EYS: variants seen among roughly 807,000 people sequenced by gnomAD.
EYS encodes protein eyes shut homolog.
In EYS, 250 loss-of-function variants were observed where a neutral mutation model predicts 282.1. The observed-to-expected ratio is 0.89, with a 90% CI of 0.80 to 0.98. The LOEUF is 0.98. Among genes scored for constraint, EYS ranks in the 50% least tolerant of loss-of-function variants. The pLI, the probability that EYS is intolerant of heterozygous loss-of-function variation, is 0.00. For missense variants in EYS, 4,016 were observed against 3,709.0 expected (o/e 1.08, Z -2.15); for synonymous variants, 1,355 against 1,282.9 (o/e 1.06, Z -1.20).
intron 31 of EYS, among the ~76,000 whole-genome samples, chr6:64,094,741 G>A (rs1465003051): frequency 6.6e-6 from 1 of 151,998 alleles, no homozygotes; most frequent in Non-Finnish European, 1.5e-5. Context: ...GGTTTTTTGT[G>A]TCTCTCTCTC....
At chr6:63,821,412 C>T (rs1771322679) in intron 36 of EYS, 1 of 152,162 alleles carries the variant, frequency 6.6e-6, no homozygotes, top group African/African-American at 2.4e-5. Context: ...TAGCCCTCAC[C>T]CTTTCACCTC....
intron 12 of EYS, among the ~76,000 whole-genome samples, chr6:65,184,879 G>C (rs147185276): frequency 1.3e-5 from 2 of 151,320 alleles, no homozygotes; most frequent in Admixed American, 1.3e-4. Context: ...ATGATAAAAC[G>C]TTTGGATAAA....
intron 31 of EYS, among the ~76,000 whole-genome samples, chr6:64,143,976 CATT>C (rs1314717610): frequency 7.2e-5 from 11 of 152,138 alleles, no homozygotes; most frequent in African/African-American, 2.7e-4. Flanking sequence ...TGCAAGTTCT[CATT>C]ATCTCATCTA....
At chr6:63,845,769 T>A (rs1345337909) in intron 36 of EYS, among the ~76,000 whole-genome samples, 2 of 152,204 alleles carry the variant, frequency 1.3e-5, no homozygotes, top group Non-Finnish European at 2.9e-5. Context: ...TCTGATATTC[T>A]CCTGTTCCAA....
intron 26 of EYS, among the ~76,000 whole-genome samples, chr6:64,580,328 C>T (rs996933966): frequency 6.6e-6 from 1 of 151,986 alleles, no homozygotes; most frequent in African/African-American, 2.4e-5. Context: ...GAGTTATGCA[C>T]AATATTCTAT....
chr6:63,943,599 T>A (rs545066315), intron 35 of EYS, among the ~76,000 whole-genome samples: 1 of 152,356 alleles, frequency 6.6e-6, no homozygotes, highest in African/African-American at 2.4e-5. Context: ...AGTTCAAATT[T>A]AATTAAAACT....
At chr6:64,187,870 AT>A (rs1764994659) in intron 31 of EYS, among the ~76,000 whole-genome samples, 1 of 151,972 alleles carries the variant, frequency 6.6e-6, no homozygotes, top group African/African-American at 2.4e-5. Flanking sequence ...TTAATATAAG[AT>A]TTCTTTACAA....
Position 63,747,201 on chromosome 6 carries a change from T to G in EYS, c.8071+15260A>C, listed in dbSNP as rs551208581. Among the ~76,000 whole-genome samples the G allele has an allele frequency of 5.3e-5, 8 of 152,332 alleles. No individual in the cohort carries two copies. The East Asian group carries it at 1.5e-3, about 29-fold the overall frequency. ...ATTTATTTCTGCCTTAATTTCATTA[T>G]TTACCCAGTAGCCAATTGGGAGCAG... On this transcript the variant is annotated intron_variant, in intron 41 of 42. Transcript: ENST00000503581.
rs567144713 is a variant in EYS at position 64,831,018 on chromosome 6, T to C, written c.2993-8196A>G. ...TGAAGGGGCCATCCCCACTTCATAG[T>C]TCCTGGAGGGATCAACTGAGGCTTC... On this transcript the variant is annotated intron_variant, in intron 19 of 42. Coordinates refer to ENST00000503581, the MANE Select transcript of EYS (RefSeq NM_001142800.2). Among the ~76,000 whole-genome samples the C allele has an allele frequency of 5.9e-5, 9 of 152,056 alleles. No individual in the cohort carries two copies. The South Asian group carries it at 1.9e-3, about 32-fold the overall frequency.
intron 31 of EYS, among the ~76,000 whole-genome samples, chr6:64,128,117 T>C (rs1773844603): frequency 6.6e-6 from 1 of 152,096 alleles, no homozygotes; most frequent in Admixed American, 6.6e-5. Context: ...AAGACAACTT[T>C]CTCCAATATA....
chr6:64,008,171 T>C (rs1399255542), intron 33 of EYS, among the ~76,000 whole-genome samples: 1 of 152,184 alleles, frequency 6.6e-6, no homozygotes, highest in East Asian at 1.9e-4. Context: ...GATAGGTGCA[T>C]ATATATTTAG....
intron 35 of EYS, among the ~76,000 whole-genome samples, chr6:63,894,340 TCAGA>T (rs1773479575): frequency 6.6e-6 from 1 of 152,160 alleles, no homozygotes; most frequent in South Asian, 2.1e-4. Flanking sequence ...AGAGGGAACT[TCAGA>T]CAGACAGACG....
chr6:65,393,911 G>T (rs1358975457), intron 7 of EYS, among the ~76,000 whole-genome samples: 2 of 151,912 alleles, frequency 1.3e-5, no homozygotes, highest in African/African-American at 4.8e-5. Flanking sequence ...TCAGAATTTT[G>T]GAGGAGAAAA....
chr6:63,978,895 GAGATAAT>G (rs1443258247), intron 35 of EYS, among the ~76,000 whole-genome samples: 5 of 151,876 alleles, frequency 3.3e-5, no homozygotes, highest in African/African-American at 1.2e-4. Flanking sequence ...TCTATAAAAT[GAGATAAT>G]AGGGAAAGAT....
At chr6:65,407,743 CCGTGTG>C (rs966656109) in intron 5 of EYS, among the ~76,000 whole-genome samples, 1 of 98,768 alleles carries the variant, frequency 1.0e-5, no homozygotes, top group Non-Finnish European at 2.0e-5. Context: ...ACTAATAAGT[CCGTGTG>C]TGTGTGTGTG....
At chr6:64,252,508 G>A (rs773891041) in intron 30 of EYS, among the ~76,000 whole-genome samples, 8 of 152,008 alleles carry the variant, frequency 5.3e-5, no homozygotes, top group Admixed American at 6.6e-5. Flanking sequence ...AATGTAACCT[G>A]TTCACACAAC....
chr6:64,279,891 A>T (rs2150361111), intron 30 of EYS, among the ~76,000 whole-genome samples: 2 of 152,306 alleles, frequency 1.3e-5, no homozygotes, highest in African/African-American at 4.8e-5. Flanking sequence ...CGTTTCAACA[A>T]CTGTATCAAA....
chr6:64,306,375 T>TAA (rs1254237071), intron 30 of EYS, among the ~76,000 whole-genome samples: 1 of 152,146 alleles, frequency 6.6e-6, no homozygotes, highest in Non-Finnish European at 1.5e-5. Context: ...ACCCCTTTTA[T>TAA]AAGGGGTCAT....
chr6:64,845,525 ATC>A (rs142279105), intron 19 of EYS, among the ~76,000 whole-genome samples: 34 of 147,594 alleles, frequency 2.3e-4, no homozygotes, highest in South Asian at 6.5e-4. Context: ...ACAAAAAATA[ATC>A]TCTCTCTCTC....
Sources: allele counts gnomAD v4.1 joint callset (sites outside exome capture counted in the v4.1 genomes callset), GRCh38; gene constraint gnomAD v4.1.1; transcripts MANE v1.5; gene names NCBI Gene and HGNC (gene_info 2026-07-23, HGNC 2026-07-21).